UNC13C: variants seen among roughly 807,000 people sequenced by gnomAD.
UNC13C encodes protein unc-13 homolog C.
A neutral mutation model predicts 245.4 loss-of-function variants in UNC13C; 174 were observed. That is an observed-to-expected ratio of 0.71 (90% CI 0.63 to 0.80). UNC13C has a LOEUF of 0.80. Ranked by LOEUF, UNC13C falls within the 30% of genes least tolerant of loss-of-function variation. The pLI, the probability that UNC13C is intolerant of heterozygous loss-of-function variation, is 0.00. For synonymous variants in UNC13C, 992 were observed against 895.1 expected (o/e 1.11, Z -1.93); for missense variants, 2,829 against 2,602.9 (o/e 1.09, Z -1.89).
At chr15:53,991,536 C>T (rs1206655233) in intron 1 of UNC13C, among the ~76,000 whole-genome samples, 2 of 151,968 alleles carry the variant, frequency 1.3e-5, no homozygotes. Context: ...AGCAGCAGCA[C>T]CTAGATCAGA....
Position 54,297,859 on chromosome 15 carries a change from T to C in UNC13C, c.4037T>C (p.Ile1346Thr). Residue 1346 changes from isoleucine to threonine, a missense_variant, in exon 12 of 33, where the codon ATC (isoleucine) becomes ACC (threonine). Physicochemically the swap from Ile to Thr is moderately conservative, Grantham distance 89. Transcript: ENST00000260323. ...SAVSGAIRLK[I>T]NVEIKGEEKV... The stretch of plus-strand genomic sequence containing the variant: ...GTATCTGGGGCCATACGATTGAAAA[T>C]CAATGTGGAGATAAAAGGAGAAGAG... 1 of 1,611,250 alleles carries C rather than the reference T, an allele frequency of 6.2e-7. No homozygotes were observed. The highest frequency in any genetic ancestry group is 8.5e-7 in the Non-Finnish European group (1 of 1,178,728).
At chr15:54,562,171 T>C (rs1057499198) in intron 29 of UNC13C, among the ~76,000 whole-genome samples, 1 of 152,022 alleles carries the variant, frequency 6.6e-6, no homozygotes, top group Non-Finnish European at 1.5e-5. Context: ...TCTATGTTAT[T>C]CTGCCAATTA....
intron 14 of UNC13C, among the ~76,000 whole-genome samples, chr15:54,328,017 A>G (rs1343393089): frequency 6.6e-6 from 1 of 152,114 alleles, no homozygotes; most frequent in African/African-American, 2.4e-5. Context: ...GTCGAGACCT[A>G]GAGTCAGGAA....
At chr15:54,323,008 CTTTT>C (rs59778832) in intron 14 of UNC13C, among the ~76,000 whole-genome samples, 3 of 145,014 alleles carry the variant, frequency 2.1e-5, no homozygotes. Flanking sequence ...TTTTTGTTCT[CTTTT>C]TTTTTTTTTC....
rs191189986 is a variant in UNC13C, at chr15:54,083,236, C to G, written c.2984-59782C>G. On this transcript the variant is annotated intron_variant, in intron 2 of 32. Coordinates refer to ENST00000260323, the MANE Select transcript of UNC13C (RefSeq NM_001080534.3). Reference sequence around the variant, plus strand: ...GGCCCTGTTGCAGGGCTCAAAACCTCCAGTTCATTTAGACTTTGTTCTTTG... The same window carrying G: ...GGCCCTGTTGCAGGGCTCAAAACCTGCAGTTCATTTAGACTTTGTTCTTTG... 2.0e-3 allele frequency among the ~76,000 whole-genome samples: 303 copies of G among 152,246 alleles called. 4 individuals are homozygous for G. Among genetic ancestry groups the G allele is most frequent in the Admixed American group, 0.018 (268 of 15,298 alleles).
intron 19 of UNC13C, among the ~76,000 whole-genome samples, chr15:54,470,405 C>G (rs2141041718): frequency 6.6e-6 from 1 of 151,610 alleles, no homozygotes; most frequent in African/African-American, 2.4e-5. Flanking sequence ...CATTTAATTA[C>G]TGATTCAGTC....
intron 2 of UNC13C, among the ~76,000 whole-genome samples, chr15:54,095,941 C>T (rs1032764030): frequency 3.3e-5 from 5 of 152,102 alleles, no homozygotes; most frequent in African/African-American, 4.8e-5. Flanking sequence ...ACACACAGCA[C>T]GTGTCCATGT....
chr15:54,605,815 A>G (rs1899738003), intron 30 of UNC13C, among the ~76,000 whole-genome samples: 1 of 152,212 alleles, frequency 6.6e-6, no homozygotes, highest in African/African-American at 2.4e-5. Flanking sequence ...GCAATATGCC[A>G]TGAAGGCAAA....
chr15:54,423,073 T>C (rs1345332281), intron 19 of UNC13C, among the ~76,000 whole-genome samples: 1 of 151,772 alleles, frequency 6.6e-6, no homozygotes, highest in East Asian at 1.9e-4. Context: ...GTGTACATTA[T>C]ATATATCTGT....
intron 1 of UNC13C, among the ~76,000 whole-genome samples, chr15:53,981,832 C>T (rs1356330100): frequency 2.6e-5 from 4 of 152,138 alleles, no homozygotes; most frequent in African/African-American, 7.2e-5. Context: ...GACAATAAGA[C>T]ACACTGAATC....
At chr15:54,127,866 A>G (rs892768909) in intron 2 of UNC13C, among the ~76,000 whole-genome samples, 7 of 150,814 alleles carry the variant, frequency 4.6e-5, no homozygotes, top group African/African-American at 1.7e-4. Context: ...GGGACAAGAC[A>G]AGAATACTCA....
intron 19 of UNC13C, among the ~76,000 whole-genome samples, chr15:54,417,980 G>A (rs2040555945): frequency 6.6e-6 from 1 of 152,116 alleles, no homozygotes; most frequent in Non-Finnish European, 1.5e-5. Context: ...CTGGAGTGCA[G>A]TGGTGTGATG....
intron 4 of UNC13C, among the ~76,000 whole-genome samples, chr15:54,205,624 A>T (rs1467071802): frequency 1.3e-5 from 2 of 152,038 alleles, no homozygotes; most frequent in Admixed American, 1.3e-4. Context: ...ATTTAGCCCC[A>T]GTTCTGCTGT....
At chr15:54,356,464 A>T (rs1046484095) in intron 17 of UNC13C, among the ~76,000 whole-genome samples, 1 of 152,164 alleles carries the variant, frequency 6.6e-6, no homozygotes, top group Non-Finnish European at 1.5e-5. Context: ...ATTAATAAAC[A>T]ACAGAGATTT....
chr15:54,626,677 C>A, intron 32 of UNC13C, 151 bp from the exon 33 acceptor site: 2 of 744,760 alleles, frequency 2.7e-6, no homozygotes, highest in South Asian at 2.2e-5. Context: ...CTTTCTAAGC[C>A]AAATTTAAAG....
At chr15:54,368,822 G>A (rs572288) in intron 17 of UNC13C, among the ~76,000 whole-genome samples, 113,566 of 152,070 alleles carry the variant, frequency 0.75, 42,691 homozygotes, top group East Asian at 0.92. Flanking sequence ...TCATGACTAC[G>A]AAACTCTTGT....
At chr15:54,419,480 G>A (rs958376662) in intron 19 of UNC13C, among the ~76,000 whole-genome samples, 13 of 152,200 alleles carry the variant, frequency 8.5e-5, no homozygotes, top group African/African-American at 2.9e-4. Context: ...GTGAACTTTA[G>A]CAGAATCTCA....
At chr15:54,420,745 G>C (rs893514189) in intron 19 of UNC13C, among the ~76,000 whole-genome samples, 1 of 151,766 alleles carries the variant, frequency 6.6e-6, no homozygotes, top group Admixed American at 6.6e-5. Context: ...AGGAAAATGA[G>C]GTGAGCAAGA....
At chr15:54,295,912 T>C (rs1294799093) in intron 11 of UNC13C, among the ~76,000 whole-genome samples, 6 of 152,200 alleles carry the variant, frequency 3.9e-5, no homozygotes, top group Non-Finnish European at 5.9e-5. Context: ...TTACCTTTTT[T>C]AGCTTTGTGT....
Sources: gnomAD v4.1 joint callset for allele counts (sites outside exome capture counted in the v4.1 genomes callset) on GRCh38, gnomAD v4.1.1 for gene constraint, MANE v1.5 for transcripts, NCBI Gene and HGNC (gene_info 2026-07-23, HGNC 2026-07-21) for gene names.